Variants in FAM186A observed in about 807,000 individuals in gnomAD.
FAM186A encodes family with sequence similarity 186 member A.
In FAM186A, 163 loss-of-function variants were observed where a neutral mutation model predicts 216.8. The ratio of observed to expected loss-of-function variants is 0.75; its 90% confidence interval spans 0.66 to 0.86. The LOEUF (loss-of-function observed/expected upper bound fraction) is 0.86. Among genes scored for constraint, FAM186A ranks in the 40% least tolerant of loss-of-function variants. The probability of loss-of-function intolerance (pLI) is 0.00; values close to 1 mark genes in which losing one functional copy is unlikely to be tolerated. For synonymous variants in FAM186A, 805 were observed against 1,025.3 expected (o/e 0.79, Z 4.10); for missense variants, 2,184 against 2,746.2 (o/e 0.80, Z 4.58).
At chr12:50,360,239 GT>G (rs566347578) in intron 3 of FAM186A, among the ~76,000 whole-genome samples, 187 of 44,268 alleles carry the variant, frequency 4.2e-3, no homozygotes, top group Middle Eastern at 9.6e-3. Context: ...GTGATACCCT[GT>G]CTCAAAAAAA....
At chr12:50,356,805 C>T (rs1942981604) in intron 3 of FAM186A, among the ~76,000 whole-genome samples, 1 of 152,164 alleles carries the variant, frequency 6.6e-6, no homozygotes, top group African/African-American at 2.4e-5. Context: ...TCAAGACCAG[C>T]CTGGCCAATA....
intron 1 of FAM186A, among the ~76,000 whole-genome samples, chr12:50,380,633 T>C (rs1465849111): frequency 6.7e-6 from 1 of 150,038 alleles, no homozygotes; most frequent in African/African-American, 2.5e-5. Flanking sequence ...GAGGTGGAGG[T>C]TGCAGTGAGC....
Position 50,352,764 on chromosome 12 carries a change from A to C in FAM186A, c.4068T>G (p.Ala1356=), listed in dbSNP as rs538228487. The C allele has an allele frequency of 2.0e-6, 3 of 1,520,366 alleles. No homozygotes were observed. The African/African-American group carries it at 4.7e-5, about 24-fold the overall frequency. The allele number at this position is 1,520,366 out of a possible 1,614,324, so 94.2% of individuals were successfully genotyped here. A position where few individuals can be genotyped will look rare whatever the true frequency, so the allele number is the denominator to read the frequency against. ...ALGMPLTTQQ[A]QELGIPLTPQ... ...GGGTGAGAGGGATCCCCAGTTCCTG[A>C]GCCTGCTGAGTGGTGAGAGGCATCC... The change falls in exon 4 of 8, where the codon GCT becomes GCG. Residue 1356 remains alanine (A), a synonymous_variant. Transcript: ENST00000327337.
intron 4 of FAM186A, among the ~76,000 whole-genome samples, chr12:50,336,668 A>G (rs1942711254): frequency 6.6e-6 from 1 of 152,174 alleles, no homozygotes; most frequent in South Asian, 2.1e-4. Flanking sequence ...AAACAAAGGT[A>G]AGAAAACGAA....
Position 50,355,218 on chromosome 12 carries a change from T to C in FAM186A, c.1614A>G (p.Gly538=). 6.4e-7 allele frequency: 1 copy of C among 1,551,704 alleles called. No individual in the cohort carries two copies. Among genetic ancestry groups the C allele is most frequent in the Non-Finnish European group, 8.7e-7 (1 of 1,146,974 alleles). Residue 538 remains glycine, a synonymous_variant, in exon 4 of 8, where the codon GGA becomes GGG. Coordinates refer to ENST00000327337, the MANE Select transcript of FAM186A (RefSeq NM_001145475.3). ...ATTGCTCCAACATCATCATACTTGT[T>C]CCACTTTTGCCACCTTGGCTCTTTG... ...TETKSQGGKS[G]TSMMMLEQFR... is the part of the protein sequence containing the mutation.
In FAM186A at chr12:50,350,505, C is replaced by T; in HGVS notation, c.6327G>A (p.Val2109=). The part of the protein sequence containing the change: ...ELEEKRYFVD[V]EAQKKNLILL... ...GTATCAGGTTCTTCTTCTGAGCCTC[C>T]ACATCAACAAAATACCTCTTTTCTT... Residue 2109 remains valine (V), a synonymous_variant, in exon 4 of 8, where the codon GTG becomes GTA. Coordinates refer to ENST00000327337, the MANE Select transcript of FAM186A (RefSeq NM_001145475.3). 6.4e-7 allele frequency: 1 copy of T among 1,551,584 alleles called. No homozygotes were observed. Among genetic ancestry groups the T allele is most frequent in the South Asian group, 1.2e-5 (1 of 84,052 alleles).
At chr12:50,388,367 G>C (rs1422105664) in intron 1 of FAM186A, among the ~76,000 whole-genome samples, 5 of 152,006 alleles carry the variant, frequency 3.3e-5, no homozygotes, top group African/African-American at 9.7e-5. Flanking sequence ...ACCTGTAATC[G>C]CACACTTTGG....
intron 1 of FAM186A, among the ~76,000 whole-genome samples, chr12:50,383,862 G>A (rs927261612): frequency 1.3e-5 from 2 of 152,226 alleles, no homozygotes; most frequent in East Asian, 1.9e-4. Flanking sequence ...GTTCATGCCT[G>A]TAATCCCAGC....
In FAM186A at chr12:50,360,773, T is replaced by C. The variant is rs746577848; in HGVS notation, c.566A>G (p.Lys189Arg). 1.6e-5 allele frequency: 24 copies of C among 1,537,714 alleles called. No individual in the cohort carries two copies. The highest frequency in any genetic ancestry group is 2.0e-5 in the Non-Finnish European group (23 of 1,142,478). The change falls in exon 3 of 8, where the codon AAA (lysine) becomes AGA (arginine). Residue 189 changes from lysine to arginine, a missense_variant. By Grantham distance (26) the Lys-to-Arg change is conservative. Around this residue, in one of 7 missense-constraint regions of FAM186A, gnomAD observed 1,132 missense variants for 1,263.4 expected, o/e 0.90. Coordinates refer to ENST00000327337, the MANE Select transcript of FAM186A (RefSeq NM_001145475.3). ...ACCCTTACATATTTTTTTCTTTTGT[T>C]TCTTCTTTTCGTCGAGGAAAGATGT... ...FSTSFLDEKKKQKKKILSRGT... is the reference protein window; with the variant it reads ...FSTSFLDEKKRQKKKILSRGT...
chr12:50,394,296 C>T (rs1045103142), intron 1 of FAM186A, among the ~76,000 whole-genome samples: 10 of 151,976 alleles, frequency 6.6e-5, no homozygotes, highest in East Asian at 1.9e-4. Flanking sequence ...CAGTGGCTCA[C>T]GCCTGTAATC....
intron 1 of FAM186A, among the ~76,000 whole-genome samples, chr12:50,394,324 G>T (rs1212279171): frequency 6.6e-6 from 1 of 151,976 alleles, no homozygotes; most frequent in Non-Finnish European, 1.5e-5. Context: ...TTTGGAGTGG[G>T]GGTGGGTCAC....
chr12:50,390,224 T>C (rs1565898271), intron 1 of FAM186A, among the ~76,000 whole-genome samples: 1 of 152,142 alleles, frequency 6.6e-6, no homozygotes. Context: ...TGCCCAGTAG[T>C]CCCCCAAAAG....
chr12:50,365,985 G>A, intron 1 of FAM186A: 1 of 767,292 alleles, frequency 1.3e-6, no homozygotes. Context: ...GCTAAAACTG[G>A]ACAAAGACCG....
chr12:50,385,857 G>A (rs755132152), intron 1 of FAM186A, among the ~76,000 whole-genome samples: 3 of 150,012 alleles, frequency 2.0e-5, no homozygotes, highest in Non-Finnish European at 4.4e-5. Context: ...AGTTGAGATC[G>A]CACCACTGCA....
chr12:50,334,801 C>T (rs1486918923), intron 4 of FAM186A, among the ~76,000 whole-genome samples: 3 of 151,912 alleles, frequency 2.0e-5, no homozygotes, highest in Admixed American at 6.6e-5. Context: ...TTTCAATTCT[C>T]TCATCATCCC....
chr12:50,330,574 G>A lies in FAM186A; in HGVS notation c.7033C>T (p.Arg2345Trp), dbSNP rs1228264180. Residue 2345 changes from arginine (R) to tryptophan (W), a missense_variant and splice_region_variant, in exon 7 of 8, where the codon CGG (arginine) becomes TGG (tryptophan). Physicochemically the swap from Arg to Trp is moderately radical, Grantham distance 101 (BLOSUM62 -3). Coordinates refer to ENST00000327337, the MANE Select transcript of FAM186A (RefSeq NM_001145475.3). Reference sequence around the variant, plus strand: ...GAGTGCTTCCAGTCCATAACTTACCGTGATTGGAGGGATGCAAGAGATTTT... The same window carrying A: ...GAGTGCTTCCAGTCCATAACTTACCATGATTGGAGGGATGCAAGAGATTTT... ...FRKSLASLQS[R>W]VKKIPK The A allele has an allele frequency of 1.2e-5, 19 of 1,550,008 alleles. No homozygotes were observed. The highest frequency in any genetic ancestry group is 2.4e-5 in the South Asian group (2 of 83,504).
Position 50,353,681 on chromosome 12 carries a change from G to T in FAM186A, c.3151C>A (p.Pro1051Thr). The change falls in exon 4 of 8, where the codon CCC (proline) becomes ACC (threonine). Residue 1051 changes from proline (P) to threonine (T), a missense_variant. This residue lies in a region of FAM186A where 1,132 missense variants were observed against 1,263.4 expected (regional missense o/e 0.90). Coordinates refer to ENST00000327337, the MANE Select transcript of FAM186A (RefSeq NM_001145475.3). The part of the protein sequence containing the change: ...DEKEPISITP[P>T]PSLQYSLPGA... ...GGCAGGGAGTATTGTAGGGAGGGGG[G>T]AGGTGTGATTGATATGGGCTCCTTT... The T allele has an allele frequency of 6.5e-7, 1 of 1,538,368 alleles. No homozygotes were observed.
chr12:50,338,485 G>C (rs1942732847), intron 4 of FAM186A, among the ~76,000 whole-genome samples: 1 of 152,164 alleles, frequency 6.6e-6, no homozygotes, highest in African/African-American at 2.4e-5. Context: ...ACAGGCATGA[G>C]CTACCATGCC....
intron 1 of FAM186A, among the ~76,000 whole-genome samples, chr12:50,386,783 C>A (rs1043892554): frequency 6.7e-6 from 1 of 150,270 alleles, no homozygotes; most frequent in Non-Finnish European, 1.5e-5. Context: ...TAGCATGAAC[C>A]CAGTTTGGGG....
Sources: gnomAD v4.1 joint callset for allele counts (sites outside exome capture counted in the v4.1 genomes callset) on GRCh38, gnomAD v4.1.1 for gene constraint, gnomAD v4.1.1 regional missense constraint, MANE v1.5 for transcripts, NCBI Gene and HGNC (gene_info 2026-07-23, HGNC 2026-07-21) for gene names.